Variants in CHD8 observed in about 807,000 individuals in gnomAD.
CHD8 encodes the protein ATP-dependent chromatin remodeler CHD8.
In CHD8, 31 loss-of-function variants were observed where a neutral mutation model predicts 279.2. The observed-to-expected ratio is 0.11, with a 90% CI of 0.08 to 0.15. The LOEUF is 0.15. Ranked by LOEUF, CHD8 falls within the 10% of genes least tolerant of loss-of-function variation. CHD8 has a pLI of 1.00. For missense variants in CHD8, 2,146 were observed against 3,230.5 expected (o/e 0.66, Z 8.14); for synonymous variants, 1,081 against 1,139.6 (o/e 0.95, Z 1.04).
At chr14:21,391,436 A>G (rs914552547) in intron 36 of CHD8, 27 bp downstream of exon 36, 1 of 1,606,698 alleles carries the variant, frequency 6.2e-7, no homozygotes, top group African/African-American at 1.3e-5. Context: ...ATGACTTTAA[A>G]TCTTGCTGGA....
intron 1 of CHD8, among the ~76,000 whole-genome samples, chr14:21,452,072 C>T (rs1490439657): frequency 1.3e-5 from 2 of 152,140 alleles, no homozygotes; most frequent in Non-Finnish European, 2.9e-5. Context: ...GACAGAGTCT[C>T]GCTCTGTCAC....
chr14:21,449,127 CTG>C (rs1890198838), intron 1 of CHD8, among the ~76,000 whole-genome samples: 1 of 151,846 alleles, frequency 6.6e-6, no homozygotes, highest in Non-Finnish European at 1.5e-5. Flanking sequence ...TGAGCCAAGA[CTG>C]CGCCACTGCA....
intron 11 of CHD8, among the ~76,000 whole-genome samples, chr14:21,409,046 C>A (rs563543975): frequency 6.6e-5 from 10 of 152,160 alleles, no homozygotes; most frequent in Admixed American, 2.6e-4. Context: ...GAAGGACACA[C>A]CACCATCTAT....
At position 21,426,241 on chromosome 14, in the gene CHD8, T is replaced by C. The variant is rs760770798; in HGVS notation, c.1603A>G (p.Thr535Ala). The change falls in exon 5 of 38, where the codon ACC becomes GCC. Residue 535 changes from threonine (T) to alanine (A), a missense_variant and splice_region_variant. This residue lies in a region of CHD8 where 123 missense variants were observed against 169.2 expected (regional missense o/e 0.73). Coordinates refer to ENST00000646647, the MANE Select transcript of CHD8 (RefSeq NM_001170629.2). ...TTCTTACCCACTACAGGAGTGATGG[T>C]GCTAAAAAGGAAAAACCAAATTCAT... The part of the protein sequence containing the change: ...SKTKGKSKLN[T>A]ITPVVGKKRK... 1.3e-6 allele frequency: 2 copies of C among 1,537,266 alleles called. No individual in the cohort carries two copies. Among genetic ancestry groups the C allele is most frequent in the Non-Finnish European group, 8.9e-7 (1 of 1,128,244 alleles).
Position 21,400,881 on chromosome 14 carries a change from A to G in CHD8, c.4364T>C (p.Val1455Ala). ...DCFRVEKHLL[V>A]YGWGRWRDIL... Reference sequence around the variant, plus strand: ...TGGTAAGTTGGGGTCTTACCCATATACCAGGAGATGCTTTTCCACCCGAAA... The same window carrying G: ...TGGTAAGTTGGGGTCTTACCCATATGCCAGGAGATGCTTTTCCACCCGAAA... Residue 1455 changes from valine (V) to alanine (A), a missense_variant, in exon 22 of 38, where the codon GTA becomes GCA. This residue lies in a region of CHD8 where 73 missense variants were observed against 153.2 expected (regional missense o/e 0.48). Transcript: ENST00000646647. The surrounding 1 kb of genome is among the most constrained non-coding windows in gnomAD (Gnocchi z 4.2). The G allele has an allele frequency of 6.2e-7, 1 of 1,609,952 alleles. No individual in the cohort carries two copies. Among genetic ancestry groups the G allele is most frequent in the East Asian group, 2.2e-5 (1 of 44,860 alleles).
intron 26 of CHD8, chr14:21,399,114 G>C (rs1285059932): frequency 1.0e-5 from 3 of 296,864 alleles, no homozygotes; most frequent in African/African-American, 6.6e-5. Flanking sequence ...CATCCAGAAA[G>C]AGTCCACCCT....
intron 2 of CHD8, 115 bp downstream of exon 2, chr14:21,430,686 A>T: frequency 1.5e-6 from 1 of 677,000 alleles, no homozygotes; most frequent in Non-Finnish European, 2.5e-6. Context: ...GATAAAAACC[A>T]AAGATGGAAT....
chr14:21,443,330 G>T (rs930239513), intron 1 of CHD8, among the ~76,000 whole-genome samples: 2 of 151,904 alleles, frequency 1.3e-5, no homozygotes, highest in African/African-American at 2.4e-5. Flanking sequence ...GGTGGAGCTT[G>T]CAGTGAGCCG....
rs1347172019 is a variant in CHD8, at chr14:21,391,525, C to G, written c.7003G>C (p.Ala2335Pro). The G allele has an allele frequency of 6.2e-7, 1 of 1,613,756 alleles. No individual in the cohort carries two copies. The highest frequency in any genetic ancestry group is 8.5e-7 in the Non-Finnish European group (1 of 1,179,846). The part of the protein sequence containing the change: ...LLVGEDAPRR[A>P]ELEMWLQGHP... ...CCCTGTAACCACATCTCCAGTTCAGCCCGGCGAGGGGCATCCTCACCCACC... is the reference window on the plus strand; with the variant it reads ...CCCTGTAACCACATCTCCAGTTCAGGCCGGCGAGGGGCATCCTCACCCACC... Residue 2335 changes from alanine (A) to proline (P), a missense_variant, in exon 36 of 38, where the codon GCT (alanine) becomes CCT (proline). Physicochemically the swap from Ala to Pro is conservative, Grantham distance 27. Transcript: ENST00000646647.
intron 1 of CHD8, among the ~76,000 whole-genome samples, chr14:21,453,418 T>A (rs1351180136): frequency 1.3e-5 from 2 of 151,812 alleles, no homozygotes; most frequent in Non-Finnish European, 2.9e-5. Flanking sequence ...ATCACCAACT[T>A]GGTGAGACAA....
In CHD8 at chr14:21,389,262, T is replaced by C. The variant is rs545824717; in HGVS notation, c.7182+1685A>G. Among the ~76,000 whole-genome samples the C allele has an allele frequency of 4.0e-5, 6 of 150,152 alleles. No individual in the cohort carries two copies. The South Asian group carries it at 1.0e-3, about 26-fold the overall frequency. ...TTGCAGTGAGCTGAGATCAGTCCAT[T>C]GCACTCCAGCCTGGGCAACAGAGCA... On this transcript the variant is annotated intron_variant, in intron 37 of 37. Transcript: ENST00000646647.
At chr14:21,432,402 A>T (rs1332403099) in intron 1 of CHD8, among the ~76,000 whole-genome samples, 1 of 152,226 alleles carries the variant, frequency 6.6e-6, no homozygotes, top group Non-Finnish European at 1.5e-5. Context: ...GAAGTTTTGC[A>T]ACCTTTATTC....
Position 21,415,768 on chromosome 14 carries a change from T to C in CHD8, c.1856A>G (p.Gln619Arg). Residue 619 changes from glutamine to arginine, a missense_variant, in exon 6 of 38, where the codon CAA (glutamine) becomes CGA (arginine). This residue lies in a region of CHD8 where 123 missense variants were observed against 169.2 expected (regional missense o/e 0.73). Transcript: ENST00000646647. ...AGGCAAAGTCTCGCCATCTGGTTCT[T>C]GCACTGGTTCAGGGAGGATAGGCTC... ...KPEPILPEPV[Q>R]EPDGETLPSM... 1 of 1,613,926 alleles carries C rather than the reference T, an allele frequency of 6.2e-7. No homozygotes were observed. The highest frequency in any genetic ancestry group is 2.2e-5 in the East Asian group (1 of 44,870).
intron 13 of CHD8, 43 bp from the exon 14 acceptor site, chr14:21,407,075 C>T (rs759077017): frequency 3.2e-5 from 48 of 1,485,172 alleles, no homozygotes; most frequent in Non-Finnish European, 4.1e-5. Flanking sequence ...CAAAAATGTA[C>T]CTAAATGAGG....
rs1340155759 is a variant in CHD8 at position 21,408,302 on chromosome 14, T to C, written c.2730+10A>G. On this transcript the variant is annotated intron_variant, in intron 13 of 37. Transcript: ENST00000646647. This position sits in a 1 kb window ranked among gnomAD's most constrained non-coding sequence, Gnocchi z 4.3. Reference sequence around the variant, plus strand: ...TCTAACTCATAGTATTCCCAAGACATGCAACTCACCCGTGAATCTTTGCAG... The same window carrying C: ...TCTAACTCATAGTATTCCCAAGACACGCAACTCACCCGTGAATCTTTGCAG... The C allele has an allele frequency of 3.1e-6, 5 of 1,608,996 alleles. No individual in the cohort carries two copies. Among genetic ancestry groups the C allele is most frequent in the South Asian group, 1.1e-5 (1 of 91,060 alleles).
intron 14 of CHD8, among the ~76,000 whole-genome samples, chr14:21,406,250 T>A (rs1242318519): frequency 6.6e-6 from 1 of 152,224 alleles, no homozygotes; most frequent in Admixed American, 6.5e-5. Context: ...TTTGCTGCTG[T>A]TCCTCCTAAC....
At chr14:21,404,349 G>A (rs1463813752) in intron 16 of CHD8, among the ~76,000 whole-genome samples, 1 of 143,920 alleles carries the variant, frequency 6.9e-6, no homozygotes, top group Admixed American at 7.2e-5. Flanking sequence ...AGTGAGCCGA[G>A]ATTGCACCAC....
At chr14:21,401,806 G>C (rs796731441) in intron 20 of CHD8, 151 bp downstream of exon 20, 1 of 698,522 alleles carries the variant, frequency 1.4e-6, no homozygotes, top group African/African-American at 1.8e-5. Flanking sequence ...GCTGGGTCTC[G>C]AACTCCTGAC....
Position 21,400,932 on chromosome 14 carries a change from T to C in CHD8, c.4313A>G (p.His1438Arg), listed in dbSNP as rs760255629. Residue 1438 changes from histidine (H) to arginine (R), a missense_variant, in exon 22 of 38, where the codon CAT becomes CGT. By Grantham distance (29) the His-to-Arg change is conservative. Transcript: ENST00000646647. The surrounding 1 kb of genome is among the most constrained non-coding windows in gnomAD (Gnocchi z 4.2). ...GCAGTCAGTGCGCCCATAGGCATGA[T>C]GACGGTCATGTCTGCGGGAGCGTGG... ...ERPRSRRHDR[H>R]HAYGRTDCFR... The C allele has an allele frequency of 5.0e-6, 8 of 1,613,778 alleles. No individual in the cohort carries two copies. The African/African-American group carries it at 5.3e-5, about 11-fold the overall frequency.
Sources: allele counts gnomAD v4.1 joint callset (sites outside exome capture counted in the v4.1 genomes callset), GRCh38; gene constraint gnomAD v4.1.1; regional missense constraint gnomAD v4.1.1; non-coding constraint Gnocchi (gnomAD v3.1); transcripts MANE v1.5; gene names NCBI Gene and HGNC (gene_info 2026-07-23, HGNC 2026-07-21).